The following GABRB1 variants were observed in gnomAD, a reference collection of about 807,000 sequenced individuals.
GABRB1 encodes the protein gamma-aminobutyric acid receptor subunit beta-1.
Under a neutral mutation model 51.6 loss-of-function variants are expected in GABRB1, and 17 were observed. The observed-to-expected ratio is 0.33, with a 90% CI of 0.23 to 0.49. GABRB1 has a LOEUF of 0.49. GABRB1 is among the 20% of genes least tolerant of loss of function. GABRB1 has a pLI of 0.99. For synonymous variants in GABRB1, 247 were observed against 218.9 expected, an observed-to-expected ratio of 1.13 and a Z score of -1.14; for missense variants, 410 against 600.6, an observed-to-expected ratio of 0.68 and a Z score of 3.32.
At position 47,191,947 on chromosome 4, in the gene GABRB1, C is replaced by T. The variant is rs547690438; in HGVS notation, c.461+30478C>T. Among the ~76,000 whole-genome samples the T allele has an allele frequency of 2.0e-5, 3 of 152,176 alleles. No homozygotes were observed. In the East Asian group the frequency reaches 5.8e-4, roughly 29 times the overall value. On this transcript the variant is annotated intron_variant, in intron 4 of 8. Transcript: ENST00000295454. ...TGCAGACACATAGAATACTGATTCA[C>T]AAATGGGAAAATCACAAATTTTGAC... is the stretch of plus-strand genomic sequence containing the variant.
chr4:47,104,017 C>T (rs1397325222), intron 3 of GABRB1, among the ~76,000 whole-genome samples: 2 of 151,778 alleles, frequency 1.3e-5, no homozygotes, highest in East Asian at 3.9e-4. Context: ...GATGTAATTC[C>T]AAGTTCCTGT....
chr4:47,159,343 C>G (rs1346917715), intron 3 of GABRB1, among the ~76,000 whole-genome samples: 1 of 151,982 alleles, frequency 6.6e-6, no homozygotes. Context: ...ATGTCATTCA[C>G]GCATAATTAG....
At chr4:47,182,342 GA>G (rs35372100) in intron 4 of GABRB1, among the ~76,000 whole-genome samples, 24 of 151,902 alleles carry the variant, frequency 1.6e-4, no homozygotes, top group Middle Eastern at 3.4e-3. Flanking sequence ...TCACACTGCA[GA>G]AAAAAGGTAT....
chr4:47,301,394 T>C (rs1724254159), intron 4 of GABRB1, among the ~76,000 whole-genome samples: 1 of 152,100 alleles, frequency 6.6e-6, no homozygotes, highest in African/African-American at 2.4e-5. Context: ...TCCAACACTT[T>C]GGTAGTTCAA....
At chr4:47,177,816 GT>G (rs5858057) in intron 4 of GABRB1, among the ~76,000 whole-genome samples, 29,699 of 132,070 alleles carry the variant, frequency 0.22, 3,013 homozygotes, top group East Asian at 0.36. Flanking sequence ...AAGAACAGTG[GT>G]TTTTTTTTTT....
At chr4:47,143,350 AT>A (rs1195689334) in intron 3 of GABRB1, among the ~76,000 whole-genome samples, 2 of 151,660 alleles carry the variant, frequency 1.3e-5, no homozygotes, top group Non-Finnish European at 2.9e-5. Context: ...GGTGGCCTTC[AT>A]TTTTTTCTTT....
intron 5 of GABRB1, among the ~76,000 whole-genome samples, chr4:47,383,959 G>A (rs770037203): frequency 1.4e-4 from 21 of 152,044 alleles, no homozygotes; most frequent in Non-Finnish European, 2.6e-4. Context: ...TAAAACTCCT[G>A]TAACTAAAGG....
chr4:47,187,524 C>A (rs1267052127), intron 4 of GABRB1, among the ~76,000 whole-genome samples: 6 of 151,814 alleles, frequency 4.0e-5, no homozygotes, highest in Non-Finnish European at 8.8e-5. Context: ...TCCAGGAAAA[C>A]AAATGTGCAC....
intron 3 of GABRB1, among the ~76,000 whole-genome samples, chr4:47,120,583 C>T (rs1047474784): frequency 4.6e-5 from 7 of 152,156 alleles, no homozygotes; most frequent in African/African-American, 1.7e-4. Context: ...TATTCTGGGT[C>T]ACACCTGAAC....
intron 4 of GABRB1, among the ~76,000 whole-genome samples, chr4:47,187,402 G>A (rs771603739): frequency 6.6e-6 from 1 of 151,750 alleles, no homozygotes; most frequent in Non-Finnish European, 1.5e-5. Flanking sequence ...TCCCTCCCTC[G>A]TTGGAACCAT....
chr4:47,410,821 T>TA (rs1728738042), intron 8 of GABRB1, among the ~76,000 whole-genome samples: 1 of 152,078 alleles, frequency 6.6e-6, no homozygotes, highest in South Asian at 2.1e-4. Context: ...AGGTTTTCCA[T>TA]AAAAATCTCA....
intron 4 of GABRB1, among the ~76,000 whole-genome samples, chr4:47,239,887 CA>C (rs1322533700): frequency 5.3e-5 from 8 of 152,162 alleles, no homozygotes; most frequent in Non-Finnish European, 7.3e-5. Context: ...TCACTGCTGC[CA>C]CGGGGCTCAG....
intron 3 of GABRB1, among the ~76,000 whole-genome samples, chr4:47,125,941 A>AAT (rs1577931524): frequency 1.3e-5 from 2 of 149,378 alleles, no homozygotes; most frequent in Admixed American, 6.7e-5. Context: ...GAAAATATAT[A>AAT]ATATATATAT....
At chr4:47,193,119 G>A (rs1719509894) in intron 4 of GABRB1, among the ~76,000 whole-genome samples, 1 of 148,036 alleles carries the variant, frequency 6.8e-6, no homozygotes, top group African/African-American at 2.6e-5. Context: ...TATGAGATAT[G>A]TGTTTTTTGT....
intron 4 of GABRB1, among the ~76,000 whole-genome samples, chr4:47,313,191 G>A (rs73133957): frequency 9.7e-4 from 148 of 152,230 alleles, no homozygotes; most frequent in African/African-American, 3.3e-3. Flanking sequence ...ACAGATGAAT[G>A]TTATGCTGTC....
At chr4:47,292,524 A>G (rs1331844998) in intron 4 of GABRB1, among the ~76,000 whole-genome samples, 1 of 152,256 alleles carries the variant, frequency 6.6e-6, no homozygotes. Flanking sequence ...TAGAAAAGCT[A>G]TTTTGAAAAG....
chr4:47,347,485 AT>A (rs1041846697), intron 5 of GABRB1, among the ~76,000 whole-genome samples: 1 of 152,188 alleles, frequency 6.6e-6, no homozygotes, highest in African/African-American at 2.4e-5. Flanking sequence ...GCAACGTAGC[AT>A]GAAGAATGCC....
intron 3 of GABRB1, among the ~76,000 whole-genome samples, chr4:47,072,150 A>G (rs903495411): frequency 3.9e-5 from 6 of 152,166 alleles, no homozygotes; most frequent in African/African-American, 1.4e-4. Context: ...TTTCTTTTTA[A>G]GTTGTGCCCT....
At chr4:47,122,362 C>A (rs913284881) in intron 3 of GABRB1, among the ~76,000 whole-genome samples, 1 of 151,990 alleles carries the variant, frequency 6.6e-6, no homozygotes, top group African/African-American at 2.4e-5. Context: ...ACATTTGATA[C>A]GTTTCCCATG....
Sources: gnomAD v4.1 joint callset for allele counts (sites outside exome capture counted in the v4.1 genomes callset) on GRCh38, gnomAD v4.1.1 for gene constraint, MANE v1.5 for transcripts, NCBI Gene and HGNC (gene_info 2026-07-23, HGNC 2026-07-21) for gene names.